Variants in CHRDL1 observed in about 807,000 individuals in gnomAD.
CHRDL1 encodes chordin like 1, also known as chordin-like protein 1.
A neutral mutation model predicts 40.9 loss-of-function variants in CHRDL1; 19 were observed. The ratio of observed to expected loss-of-function variants is 0.46; its 90% CI spans 0.32 to 0.68. The LOEUF (loss-of-function observed/expected upper bound fraction) is 0.68, where lower values mean the gene tolerates loss of function less well. CHRDL1 is among the 30% of genes least tolerant of loss of function. The probability of loss-of-function intolerance (pLI) is 0.03; values close to 1 mark genes in which losing one functional copy is unlikely to be tolerated. For missense variants in CHRDL1, 329 were observed against 352.1 expected, an observed-to-expected ratio of 0.93 and a Z score of 0.53; for synonymous variants, 136 against 123.4, an observed-to-expected ratio of 1.10 and a Z score of -0.68.
intron 4 of CHRDL1, among the ~76,000 whole-genome samples, chrX:110,759,006 G>A (rs982908958): frequency 1.3e-4 from 14 of 111,647 alleles, no homozygotes; most frequent in African/African-American, 4.6e-4. Flanking sequence ...GTGGGAATCG[G>A]GCCCCAGTCA....
At chrX:110,738,955 T>A (rs1430322804) in intron 4 of CHRDL1, among the ~76,000 whole-genome samples, 2 of 111,581 alleles carry the variant, frequency 1.8e-5, no homozygotes, top group East Asian at 5.6e-4. Context: ...TTGCTCACGA[T>A]ACCATTGAAT....
intron 2 of CHRDL1, among the ~76,000 whole-genome samples, chrX:110,769,047 C>T (rs2089710752): frequency 8.9e-6 from 1 of 111,781 alleles, no homozygotes; most frequent in Non-Finnish European, 1.9e-5. Context: ...TGTTAACTGC[C>T]TTATTGTACA....
In CHRDL1 at chrX:110,675,135, T is replaced by C. The variant is rs1368860223; in HGVS notation, c.*1096A>G. 1 of 111,840 alleles carries C rather than the reference T, an allele frequency of 8.9e-6. No individual in the cohort carries two copies. The highest frequency in any genetic ancestry group is 1.9e-5 in the Non-Finnish European group (1 of 53,141). 9.2% of individuals were successfully genotyped at this position (111,840 alleles called of 1,213,427 possible). A position where few individuals can be genotyped will look rare whatever the true frequency, so the allele number is the denominator to read the frequency against. The stretch of plus-strand genomic sequence containing the variant: ...GCAAAGTAAAAATCAACTCCTATAA[T>C]TGGAGAAGAAGGAAAACTTCCCTTT... On this transcript the variant is annotated 3_prime_UTR_variant, in exon 12 of 12. Coordinates refer to ENST00000372042, the MANE Select transcript of CHRDL1 (RefSeq NM_001143981.2).
At chrX:110,729,260 G>A (rs758209980) in intron 4 of CHRDL1, among the ~76,000 whole-genome samples, 4 of 111,496 alleles carry the variant, frequency 3.6e-5, no homozygotes, top group Non-Finnish European at 7.5e-5. Context: ...GAGATCAGAG[G>A]TACTGCTTCA....
chrX:110,699,854 T>C (rs2070475719), intron 7 of CHRDL1, among the ~76,000 whole-genome samples: 1 of 112,524 alleles, frequency 8.9e-6, no homozygotes, highest in Non-Finnish European at 1.9e-5. Context: ...TGTTTTGTTT[T>C]TATGAAAACA....
chrX:110,787,704 T>G (rs1379508145), intron 2 of CHRDL1, among the ~76,000 whole-genome samples: 1 of 112,108 alleles, frequency 8.9e-6, no homozygotes, highest in African/African-American at 3.2e-5. Flanking sequence ...GAGGCCCACT[T>G]TTAGCCAAAT....
At chrX:110,677,989 C>T (rs771109709) in intron 11 of CHRDL1, among the ~76,000 whole-genome samples, 25 of 111,369 alleles carry the variant, frequency 2.2e-4, no homozygotes, top group African/African-American at 6.9e-4. Flanking sequence ...CGTCTCCTCC[C>T]GTCTCATTGA....
At chrX:110,700,856 C>A in intron 6 of CHRDL1, 135 bp from the exon 7 acceptor site, 63 of 404,394 alleles carry the variant, frequency 1.6e-4, no homozygotes, top group Non-Finnish European at 1.7e-4. Context: ...GGCTGTCCTT[C>A]AAAAAGCGGC....
chrX:110,721,646 CT>C lies in CHRDL1; in HGVS notation c.302-117del, dbSNP rs966603240. On this transcript the variant is annotated intron_variant, in intron 4 of 11. Coordinates refer to ENST00000372042, the MANE Select transcript of CHRDL1 (RefSeq NM_001143981.2). The stretch of plus-strand genomic sequence containing the variant: ...AGAGGGAGTTTTAAGACAGTCCCCG[CT>C]CCAGTGACCAATGATTTTGAATAAT... The C allele has an allele frequency of 2.2e-4, 118 of 545,061 alleles. 3 individuals carry two copies. The highest frequency in any genetic ancestry group is 3.8e-4 in the Middle Eastern group (1 of 2,651). 44.9% of individuals were successfully genotyped at this position (545,061 alleles called of 1,213,427 possible).
intron 8 of CHRDL1, among the ~76,000 whole-genome samples, chrX:110,689,265 T>C (rs1431665470): frequency 1.0e-5 from 1 of 97,126 alleles, no homozygotes; most frequent in Non-Finnish European, 2.0e-5. Context: ...TTTTTTTTTT[T>C]TTTTTAATTT....
chrX:110,674,457 C>CCACATACACACACACACA lies in CHRDL1; in HGVS notation c.*1773_*1774insTGTGTGTGTGTGTATGTG, dbSNP rs796243093. 92 of 78,930 alleles carry CCACATACACACACACACA rather than the reference C, an allele frequency of 1.2e-3. 3 individuals are homozygous for CCACATACACACACACACA. Among genetic ancestry groups the CCACATACACACACACACA allele is most frequent in the African/African-American group, 2.6e-3 (50 of 19,228 alleles). 6.5% of individuals were successfully genotyped at this position (78,930 alleles called of 1,213,427 possible). A position where few individuals can be genotyped will look rare whatever the true frequency, so the allele number is the denominator to read the frequency against. Reference sequence around the variant, plus strand: ...GCCGCATAACACCTTCCCCCCTTTACCACACACACACACACACACACACAC... The same window carrying CCACATACACACACACACA: ...GCCGCATAACACCTTCCCCCCTTTACCACATACACACACACACACACACACACACACACACACACACAC... On this transcript the variant is annotated 3_prime_UTR_variant, in exon 12 of 12. Transcript: ENST00000372042.
rs546335841 is a variant in CHRDL1 at position 110,788,331 on chromosome X, A to T, written c.94+3757T>A. Among the ~76,000 whole-genome samples the T allele has an allele frequency of 1.7e-4, 19 of 111,780 alleles. No individual in the cohort carries two copies. In the South Asian group the frequency reaches 7.2e-3, roughly 42 times the overall value. ...CCTTGTGATGAGCTTTCCACAAACA[A>T]AGCGTTTTTTCCACACCTCTTCAGA... On this transcript the variant is annotated intron_variant, in intron 2 of 11. Transcript: ENST00000372042.
At chrX:110,793,409 G>A (rs146941027) in intron 1 of CHRDL1, among the ~76,000 whole-genome samples, 2,983 of 111,355 alleles carry the variant, frequency 0.027, 93 homozygotes, top group African/African-American at 0.09. Flanking sequence ...TTGCAGCACC[G>A]TCTGCCTTCC....
At chrX:110,737,821 T>A (rs764696510) in intron 4 of CHRDL1, among the ~76,000 whole-genome samples, 1 of 109,532 alleles carries the variant, frequency 9.1e-6, no homozygotes, top group Non-Finnish European at 1.9e-5. Flanking sequence ...TCTGGGAAAG[T>A]GAGGGTATCT....
At chrX:110,686,906 A>AT in intron 9 of CHRDL1, among the ~76,000 whole-genome samples, 1 of 107,499 alleles carries the variant, frequency 9.3e-6, no homozygotes, top group African/African-American at 3.4e-5. Context: ...AATAAAAAAA[A>AT]AAATAAAAAG....
At chrX:110,788,595 T>G (rs1230303178) in intron 2 of CHRDL1, among the ~76,000 whole-genome samples, 1 of 112,226 alleles carries the variant, frequency 8.9e-6, no homozygotes, top group Non-Finnish European at 1.9e-5. Context: ...TTCTGAAGTT[T>G]TTCCAGTTGC....
intron 7 of CHRDL1, among the ~76,000 whole-genome samples, chrX:110,698,909 C>T (rs1161382650): frequency 1.8e-5 from 2 of 110,862 alleles, no homozygotes; most frequent in African/African-American, 3.4e-5. Flanking sequence ...CAACTACCTA[C>T]CACAATAAAA....
intron 6 of CHRDL1, among the ~76,000 whole-genome samples, chrX:110,711,218 G>A (rs2070742016): frequency 8.9e-6 from 1 of 111,960 alleles, no homozygotes; most frequent in Non-Finnish European, 1.9e-5. Context: ...TGCAACCAGT[G>A]AATATAGAGG....
At chrX:110,742,156 A>G (rs1439283049) in intron 4 of CHRDL1, among the ~76,000 whole-genome samples, 1 of 112,214 alleles carries the variant, frequency 8.9e-6, no homozygotes, top group Admixed American at 9.4e-5. Context: ...AACCAGTAAG[A>G]TATGGCCCTA....
Sources: allele counts gnomAD v4.1 joint callset (sites outside exome capture counted in the v4.1 genomes callset), GRCh38; gene constraint gnomAD v4.1.1; transcripts MANE v1.5; gene names NCBI Gene and HGNC (gene_info 2026-07-23, HGNC 2026-07-21).